Variants in PRRC2C observed in about 807,000 individuals in gnomAD.
PRRC2C encodes protein PRRC2C.
A neutral mutation model predicts 317.2 loss-of-function variants in PRRC2C; 72 were observed. The ratio of observed to expected loss-of-function variants is 0.23; its 90% confidence interval spans 0.19 to 0.28. The LOEUF (loss-of-function observed/expected upper bound fraction) is 0.28. Ranked by LOEUF, PRRC2C falls within the 10% of genes least tolerant of loss-of-function variation. PRRC2C has a pLI of 1.00. For missense variants in PRRC2C, 3,074 were observed against 3,459.7 expected (o/e 0.89, Z 2.80); for synonymous variants, 1,296 against 1,205.9 (o/e 1.07, Z -1.55).
chr1:171,537,194 T>G, intron 14 of PRRC2C, 69 bp from the exon 15 acceptor site: 2 of 1,193,964 alleles, frequency 1.7e-6, no homozygotes, highest in Non-Finnish European at 2.4e-6. Context: ...GTATTCTATG[T>G]CTATCATGGT....
intron 18 of PRRC2C, among the ~76,000 whole-genome samples, chr1:171,555,249 C>T (rs979653776): frequency 5.3e-5 from 8 of 152,154 alleles, no homozygotes; most frequent in African/African-American, 1.4e-4. Context: ...TCCACTTGAT[C>T]GAATCGGCTA....
At chr1:171,500,656 C>T (rs1382179412) in intron 1 of PRRC2C, among the ~76,000 whole-genome samples, 3 of 152,150 alleles carry the variant, frequency 2.0e-5, no homozygotes, top group African/African-American at 4.8e-5. Context: ...TCATGAAAAA[C>T]GTCCTTTTGT....
chr1:171,524,614 A>T (rs140433822), intron 9 of PRRC2C, among the ~76,000 whole-genome samples: 2 of 152,304 alleles, frequency 1.3e-5, no homozygotes, highest in Admixed American at 1.3e-4. Flanking sequence ...ATGTGTGTTT[A>T]GATTTGACAA....
At chr1:171,500,924 G>T (rs1393931927) in intron 1 of PRRC2C, among the ~76,000 whole-genome samples, 4 of 152,084 alleles carry the variant, frequency 2.6e-5, no homozygotes, top group Non-Finnish European at 5.9e-5. Flanking sequence ...TTGAGACAGG[G>T]TCTTACTCTC....
chr1:171,579,550 G>C, intron 27 of PRRC2C, 84 bp downstream of exon 27: 1 of 1,478,594 alleles, frequency 6.8e-7, no homozygotes, highest in Non-Finnish European at 9.0e-7. Flanking sequence ...ATAAATAATA[G>C]ACTCTGAAAT....
At chr1:171,573,379 A>G (rs235506) in intron 24 of PRRC2C, among the ~76,000 whole-genome samples, 121,909 of 152,096 alleles carry the variant, frequency 0.8, 49,006 homozygotes, top group Middle Eastern at 0.89. Flanking sequence ...AAATTGGCAT[A>G]AAAGACATTG....
chr1:171,504,252 T>G (rs1051953383), intron 1 of PRRC2C, among the ~76,000 whole-genome samples: 3 of 152,222 alleles, frequency 2.0e-5, no homozygotes, highest in Non-Finnish European at 4.4e-5. Context: ...TAGTTTGTCC[T>G]TTAGTTCTCA....
intron 11 of PRRC2C, among the ~76,000 whole-genome samples, chr1:171,528,432 A>G (rs7531984): frequency 0.81 from 122,789 of 151,920 alleles, 49,731 homozygotes; most frequent in Middle Eastern, 0.9. Flanking sequence ...GGCACTACAG[A>G]TGCCCGCCAC....
chr1:171,487,069 C>G (rs1262756940), intron 1 of PRRC2C, among the ~76,000 whole-genome samples: 4 of 152,170 alleles, frequency 2.6e-5, no homozygotes, highest in Non-Finnish European at 5.9e-5. Flanking sequence ...AGAATATAGC[C>G]TTTTTAAGTG....
At chr1:171,582,648 A>T (rs189400467) in intron 28 of PRRC2C, among the ~76,000 whole-genome samples, 1 of 152,338 alleles carries the variant, frequency 6.6e-6, no homozygotes, top group East Asian at 1.9e-4. Flanking sequence ...GTGTCTAAAC[A>T]TAGAAATCTA....
At chr1:171,512,510 G>C (rs1408814418) in intron 2 of PRRC2C, 2 of 285,020 alleles carry the variant, frequency 7.0e-6, no homozygotes, top group Non-Finnish European at 1.4e-5. Flanking sequence ...CTATATATTA[G>C]TGGGAATTTA....
chr1:171,566,124 A>G (rs1683611380), intron 20 of PRRC2C, 109 bp from the exon 21 acceptor site: 1 of 819,068 alleles, frequency 1.2e-6, no homozygotes, highest in African/African-American at 1.7e-5. Flanking sequence ...CTCAGTTAAT[A>G]TGTAGATTGT....
chr1:171,536,463 C>A (rs1245414012), intron 14 of PRRC2C, among the ~76,000 whole-genome samples, 185 bp downstream of exon 14: 1 of 152,124 alleles, frequency 6.6e-6, no homozygotes, highest in Non-Finnish European at 1.5e-5. Flanking sequence ...GTGGCAAGAA[C>A]AAAATACTAG....
intron 9 of PRRC2C, 116 bp downstream of exon 9, chr1:171,523,638 T>G (rs1394501569): frequency 2.2e-6 from 2 of 920,582 alleles, no homozygotes; most frequent in African/African-American, 1.7e-5. Context: ...AATTTATATA[T>G]TCTCAGAAGT....
At chr1:171,496,943 A>T (rs1668225294) in intron 1 of PRRC2C, among the ~76,000 whole-genome samples, 1 of 151,910 alleles carries the variant, frequency 6.6e-6, no homozygotes, top group African/African-American at 2.4e-5. Flanking sequence ...GACCACACGC[A>T]TGTGCCACCA....
At chr1:171,564,955 G>T (rs929200937) in intron 20 of PRRC2C, among the ~76,000 whole-genome samples, 4 of 152,166 alleles carry the variant, frequency 2.6e-5, no homozygotes, top group African/African-American at 9.7e-5. Flanking sequence ...TTAACCTTAT[G>T]TAGTAATTGA....
At chr1:171,490,470 A>G (rs1666925225) in intron 1 of PRRC2C, among the ~76,000 whole-genome samples, 1 of 152,222 alleles carries the variant, frequency 6.6e-6, no homozygotes, top group South Asian at 2.1e-4. Flanking sequence ...GCAGCATTAC[A>G]GGAATAGAGA....
intron 12 of PRRC2C, among the ~76,000 whole-genome samples, chr1:171,534,912 TTA>T (rs1676540112): frequency 6.6e-6 from 1 of 152,218 alleles, no homozygotes; most frequent in African/African-American, 2.4e-5. Flanking sequence ...CTAGAATGAA[TTA>T]TGTTTGAAGA....
At chr1:171,495,985 G>A (rs1482651556) in intron 1 of PRRC2C, among the ~76,000 whole-genome samples, 1 of 152,090 alleles carries the variant, frequency 6.6e-6, no homozygotes, top group African/African-American at 2.4e-5. Context: ...CTCTAATGGA[G>A]AAGAGAGCAA....
Sources: gnomAD v4.1 joint callset for allele counts (sites outside exome capture counted in the v4.1 genomes callset) on GRCh38, gnomAD v4.1.1 for gene constraint, MANE v1.5 for transcripts, NCBI Gene and HGNC (gene_info 2026-07-23, HGNC 2026-07-21) for gene names.